SH3BP5: variants seen among roughly 807,000 people sequenced by gnomAD.
SH3BP5 encodes the protein SH3 domain-binding protein 5.
SH3BP5 carries 22 observed loss-of-function variants against 43.3 expected under a neutral mutation model. That is an observed-to-expected ratio of 0.51 (90% CI 0.36 to 0.73). The LOEUF (loss-of-function observed/expected upper bound fraction) is 0.73. Ranked by LOEUF, SH3BP5 falls within the 30% of genes least tolerant of loss-of-function variation. The pLI, the probability that SH3BP5 is intolerant of heterozygous loss-of-function variation, is 0.00. For synonymous variants in SH3BP5, 255 were observed against 225.8 expected (o/e 1.13, Z -1.16); for missense variants, 529 against 586.9 (o/e 0.90, Z 1.02).
chr3:15,264,061 C>G (rs1036078492), intron 4 of SH3BP5, among the ~76,000 whole-genome samples: 11 of 152,196 alleles, frequency 7.2e-5, no homozygotes, highest in Non-Finnish European at 4.4e-5. Context: ...TCTACCATCT[C>G]CTCCAGTCAA....
chr3:15,313,720 T>A (rs1014266113), intron 2 of SH3BP5, among the ~76,000 whole-genome samples: 1 of 152,214 alleles, frequency 6.6e-6, no homozygotes, highest in African/African-American at 2.4e-5. Context: ...ATGTGCTACA[T>A]CTGTGCCATC....
intron 3 of SH3BP5, among the ~76,000 whole-genome samples, chr3:15,280,234 C>T (rs1474907526): frequency 1.3e-5 from 2 of 152,162 alleles, no homozygotes; most frequent in Admixed American, 1.3e-4. Flanking sequence ...TTCCTGCCCA[C>T]CCTAGCCAGA....
chr3:15,257,220 C>T, intron 7 of SH3BP5, 107 bp from the exon 8 acceptor site: 1 of 1,171,064 alleles, frequency 8.5e-7, no homozygotes, highest in Non-Finnish European at 1.2e-6. Context: ...ACTAAAGAGT[C>T]TCTACCTCTG....
rs145098986 is a variant in SH3BP5 at position 15,321,221 on chromosome 3, T to C, written c.201+9283A>G. The stretch of plus-strand genomic sequence containing the variant: ...TAACTAAGTTCAAATATCTAAATAT[T>C]CTTAATATTTGGAATGTTTTCCATT... On this transcript the variant is annotated intron_variant, in intron 2 of 8. Coordinates refer to ENST00000383791, the MANE Select transcript of SH3BP5 (RefSeq NM_004844.5). Among the ~76,000 whole-genome samples the C allele has an allele frequency of 3.2e-3, 494 of 152,336 alleles. 2 individuals carry two copies. The highest frequency in any genetic ancestry group is 0.011 in the African/African-American group (470 of 41,566).
At chr3:15,271,374 A>C (rs1026969562) in intron 3 of SH3BP5, among the ~76,000 whole-genome samples, 1 of 152,040 alleles carries the variant, frequency 6.6e-6, no homozygotes, top group African/African-American at 2.4e-5. Context: ...TAAATAAATA[A>C]AATTTAAAGA....
intron 6 of SH3BP5, chr3:15,259,408 G>T (rs1428084497): frequency 1.9e-6 from 1 of 514,934 alleles, no homozygotes; most frequent in Non-Finnish European, 3.5e-6. Flanking sequence ...ATCCCCTTGG[G>T]TGTTAAGACT....
At chr3:15,262,407 C>T (rs1177447927) in intron 4 of SH3BP5, 118 bp from the exon 5 acceptor site, 2 of 1,306,506 alleles carry the variant, frequency 1.5e-6, no homozygotes, top group Non-Finnish European at 2.1e-6. Flanking sequence ...CATGTGTAAT[C>T]CCAGCACTTT....
At chr3:15,323,524 C>A (rs1336579422) in intron 2 of SH3BP5, among the ~76,000 whole-genome samples, 1 of 152,200 alleles carries the variant, frequency 6.6e-6, no homozygotes. Flanking sequence ...TCTCACACAG[C>A]ATCCCTTACC....
upstream of SH3BP5, chr3:15,332,592 G>A (rs921478630): frequency 2.6e-4 from 307 of 1,200,914 alleles, 3 homozygotes; most frequent in Middle Eastern, 6.6e-4. Context: ...CAGAGGAAAT[G>A]GGCGCGGCCG....
chr3:15,299,483 A>AT (rs60281447), intron 3 of SH3BP5, among the ~76,000 whole-genome samples: 14,129 of 91,922 alleles, frequency 0.15, 3,065 homozygotes, highest in East Asian at 0.43. Flanking sequence ...CAACAATTAG[A>AT]TTTTTTTTTT....
chr3:15,300,017 C>G (rs562094586), intron 3 of SH3BP5, among the ~76,000 whole-genome samples: 4 of 152,210 alleles, frequency 2.6e-5, no homozygotes, highest in South Asian at 4.1e-4. Flanking sequence ...CATCACCCCC[C>G]CAAATACTTT....
intron 2 of SH3BP5, among the ~76,000 whole-genome samples, chr3:15,315,926 G>A (rs1166094939): frequency 6.6e-6 from 1 of 152,120 alleles, no homozygotes; most frequent in Non-Finnish European, 1.5e-5. Flanking sequence ...TAAAGATGAG[G>A]CCATCCACTT....
At chr3:15,273,142 G>A (rs1156606221) in intron 3 of SH3BP5, 1 of 985,284 alleles carries the variant, frequency 1.0e-6, no homozygotes, top group Non-Finnish European at 1.2e-6. Context: ...AACTCCAGGA[G>A]ACAGGATGAA....
At chr3:15,259,104 C>G (rs1205621862) in intron 6 of SH3BP5, 54 bp from the exon 7 acceptor site, 18 of 1,405,400 alleles carry the variant, frequency 1.3e-5, no homozygotes, top group Non-Finnish European at 1.7e-5. Context: ...CCTTAAGATG[C>G]TTTCTGAATG....
chr3:15,328,492 G>A (rs1004980451), intron 2 of SH3BP5, among the ~76,000 whole-genome samples: 5 of 152,106 alleles, frequency 3.3e-5, no homozygotes, highest in Non-Finnish European at 7.4e-5. Context: ...ACTTTGGGAG[G>A]CCAAGGTGGG....
At chr3:15,291,037 C>T (rs774470613) in intron 3 of SH3BP5, among the ~76,000 whole-genome samples, 25 of 152,110 alleles carry the variant, frequency 1.6e-4, no homozygotes, top group Admixed American at 5.2e-4. Flanking sequence ...CGGAATTCTA[C>T]CGGGAGCTGA....
At position 15,267,189 on chromosome 3, in the gene SH3BP5, C is replaced by T. The variant is rs1273414581; in HGVS notation, c.495+2524G>A. 2.0e-5 allele frequency among the ~76,000 whole-genome samples: 3 copies of T among 152,246 alleles called. No homozygotes were observed. The South Asian group carries it at 6.2e-4, about 31-fold the overall frequency. On this transcript the variant is annotated intron_variant, in intron 4 of 8. Coordinates refer to ENST00000383791, the MANE Select transcript of SH3BP5 (RefSeq NM_004844.5). ...CCCGTGAGGCTCTAGGAGGGGTCAA[C>T]ATGAGCACCACTGGGGGAAACGCTA...
At chr3:15,259,697 C>A in intron 6 of SH3BP5, 64 bp downstream of exon 6, 1 of 1,478,118 alleles carries the variant, frequency 6.8e-7, no homozygotes, top group Non-Finnish European at 9.5e-7. Flanking sequence ...TCTGCTACCC[C>A]AGAAAAGTGA....
At chr3:15,300,599 A>G (rs1277925615) in intron 3 of SH3BP5, among the ~76,000 whole-genome samples, 1 of 152,148 alleles carries the variant, frequency 6.6e-6, no homozygotes, top group East Asian at 1.9e-4. Flanking sequence ...TGAGAGGAAC[A>G]TTCACACACA....
Sources: gnomAD v4.1 joint callset for allele counts (sites outside exome capture counted in the v4.1 genomes callset) on GRCh38, gnomAD v4.1.1 for gene constraint, MANE v1.5 for transcripts, NCBI Gene and HGNC (gene_info 2026-07-23, HGNC 2026-07-21) for gene names.